The following TBC1D31 variants were observed in gnomAD, a reference collection of about 807,000 sequenced individuals.
TBC1D31 encodes the protein TBC1 domain family member 31, also known as WD repeat domain 67.
In TBC1D31, 99 loss-of-function variants were observed where a neutral mutation model predicts 132.9. The observed-to-expected ratio is 0.74, with a 90% CI of 0.63 to 0.88. The LOEUF is 0.88. TBC1D31 is among the 40% of genes least tolerant of loss of function. The pLI is 0.00. For missense variants in TBC1D31, 1,134 were observed against 1,256.6 expected, an observed-to-expected ratio of 0.90 and a Z score of 1.48; for synonymous variants, 385 against 419.4, an observed-to-expected ratio of 0.92 and a Z score of 1.00.
chr8:123,155,795 G>A (rs1303681985), downstream of TBC1D31, among the ~76,000 whole-genome samples: 2 of 152,140 alleles, frequency 1.3e-5, no homozygotes, highest in South Asian at 2.1e-4. This position sits in a 1 kb window ranked among gnomAD's most constrained non-coding sequence, Gnocchi z 4.1. Flanking sequence ...TGCATACTAG[G>A]GAAAAGAAAA....
At chr8:123,147,677 C>T (rs1310983927) in intron 20 of TBC1D31, among the ~76,000 whole-genome samples, 2 of 152,026 alleles carry the variant, frequency 1.3e-5, no homozygotes, top group Non-Finnish European at 2.9e-5. Context: ...TGCTGAATTT[C>T]ACCAATAGAG....
In TBC1D31 at chr8:123,105,288, C is replaced by T; in HGVS notation, c.1033C>T (p.Pro345Ser). 1 of 1,524,624 alleles carries T rather than the reference C, an allele frequency of 6.6e-7. No homozygotes were observed. The highest frequency in any genetic ancestry group is 1.3e-5 in the South Asian group (1 of 76,282). 94.4% of individuals were successfully genotyped at this position (1,524,624 alleles called of 1,614,324 possible). The change falls in exon 8 of 22, where the codon CCA becomes TCA. Residue 345 changes from proline (P) to serine (S), a missense_variant and splice_region_variant. Pro to Ser is a moderately conservative substitution (Grantham distance 74). Transcript: ENST00000287380. Reference sequence around the variant, plus strand: ...TATATATATTTATTTTTCCATTTAGCCACCTCCGCCTTTAGTGAAAGTTAT... The same window carrying T: ...TATATATATTTATTTTTCCATTTAGTCACCTCCGCCTTTAGTGAAAGTTAT... ...VQALTQEINK[P>S]PPPLVKVIED...
the TBC1D31 span, among the ~76,000 whole-genome samples, chr8:123,163,364 C>CATT: frequency 2.7e-5 from 3 of 110,078 alleles, no homozygotes; most frequent in Non-Finnish European, 5.0e-5. Context: ...TCACTTTAAC[C>CATT]TTTTTTTTTT....
intron 5 of TBC1D31, among the ~76,000 whole-genome samples, chr8:123,096,834 A>G (rs1389330122): frequency 6.6e-6 from 1 of 152,240 alleles, no homozygotes; most frequent in Non-Finnish European, 1.5e-5. Context: ...TTTGAGCAGG[A>G]AAAAAGTTTG....
chr8:123,085,567 T>G (rs1049108328), intron 4 of TBC1D31, among the ~76,000 whole-genome samples: 2 of 152,168 alleles, frequency 1.3e-5, no homozygotes, highest in African/African-American at 4.8e-5. Context: ...CCCAAGTAGC[T>G]GGGACTACAG....
intron 13 of TBC1D31, 156 bp from the exon 14 acceptor site, chr8:123,128,123 CTT>C (rs1820255096): frequency 4.5e-6 from 2 of 445,310 alleles, no homozygotes; most frequent in Non-Finnish European, 7.9e-6. Context: ...AATAAATTGT[CTT>C]TGTTGTAAAA....
chr8:123,127,157 G>A (rs1367365699), intron 13 of TBC1D31, among the ~76,000 whole-genome samples: 1 of 150,852 alleles, frequency 6.6e-6, no homozygotes, highest in Non-Finnish European at 1.5e-5. Flanking sequence ...CCCTACCTGT[G>A]TACAGTTTAT....
chr8:123,079,626 C>G (rs917640807), intron 2 of TBC1D31, among the ~76,000 whole-genome samples: 1 of 152,178 alleles, frequency 6.6e-6, no homozygotes, highest in Non-Finnish European at 1.5e-5. Flanking sequence ...ATCGAGGACT[C>G]TTTGCACTTC....
intron 16 of TBC1D31, among the ~76,000 whole-genome samples, chr8:123,131,658 A>G (rs1030304475): frequency 1.3e-5 from 2 of 152,222 alleles, no homozygotes; most frequent in African/African-American, 4.8e-5. Context: ...TGCAAATTAC[A>G]AAACCATGCT....
intron 20 of TBC1D31, among the ~76,000 whole-genome samples, chr8:123,146,669 G>C (rs1822241778): frequency 6.6e-6 from 1 of 151,766 alleles, no homozygotes; most frequent in African/African-American, 2.4e-5. Flanking sequence ...TATAGGTTAG[G>C]TCATTTAATT....
At chr8:123,077,365 T>C in intron 2 of TBC1D31, 108 bp downstream of exon 2, 1 of 1,187,258 alleles carries the variant, frequency 8.4e-7, no homozygotes. Context: ...TAAGTTCTAT[T>C]ATATTTCAGG....
At chr8:123,090,624 T>C (rs183362261) in intron 4 of TBC1D31, among the ~76,000 whole-genome samples, 26 of 152,266 alleles carry the variant, frequency 1.7e-4, no homozygotes, top group Admixed American at 1.3e-4. Flanking sequence ...AATATTAGTA[T>C]CCTAAACTCT....
chr8:123,130,723 G>C (rs1246912663), intron 16 of TBC1D31, among the ~76,000 whole-genome samples: 2 of 151,082 alleles, frequency 1.3e-5, no homozygotes, highest in African/African-American at 4.9e-5. Flanking sequence ...CCGGGTTCAA[G>C]TGATTCTCCT....
At chr8:123,096,727 A>G (rs187940668) in intron 5 of TBC1D31, among the ~76,000 whole-genome samples, 1 of 152,360 alleles carries the variant, frequency 6.6e-6, no homozygotes, top group East Asian at 1.9e-4. Flanking sequence ...CTTTTTAAAA[A>G]TTAGTAAGTC....
intron 4 of TBC1D31, among the ~76,000 whole-genome samples, chr8:123,085,309 C>T (rs1815616949): frequency 6.6e-6 from 1 of 152,194 alleles, no homozygotes; most frequent in Admixed American, 6.6e-5. Flanking sequence ...TCCATCATCT[C>T]CCTCCCTGGG....
Position 123,077,163 on chromosome 8 carries a change from C to G in TBC1D31, c.130C>G (p.Arg44Gly). The part of the protein sequence containing the change: ...NTSDYHPKVL[R>G]FLNVAFDGTG... Reference sequence around the variant, plus strand: ...TTCCGATTACCATCCAAAAGTTTTGCGATTTTTGAATGTGGCTTTTGATGG... The same window carrying G: ...TTCCGATTACCATCCAAAAGTTTTGGGATTTTTGAATGTGGCTTTTGATGG... Residue 44 changes from arginine (R) to glycine (G), a missense_variant, in exon 2 of 22, where the codon CGA (arginine) becomes GGA (glycine). Transcript: ENST00000287380. The G allele has an allele frequency of 6.2e-7, 1 of 1,612,020 alleles. No individual in the cohort carries two copies. The highest frequency in any genetic ancestry group is 8.5e-7 in the Non-Finnish European group (1 of 1,179,170).
intron 8 of TBC1D31, among the ~76,000 whole-genome samples, chr8:123,108,307 G>A (rs115628393): frequency 0.013 from 1,964 of 152,174 alleles, 40 homozygotes; most frequent in African/African-American, 0.045. Flanking sequence ...GATAATATAT[G>A]CAAACAGCTT....
intron 16 of TBC1D31, among the ~76,000 whole-genome samples, chr8:123,132,614 A>G (rs1820739711): frequency 6.6e-6 from 1 of 151,844 alleles, no homozygotes; most frequent in African/African-American, 2.4e-5. Flanking sequence ...GGGTTTCACC[A>G]TGTTGGTCAG....
intron 11 of TBC1D31, among the ~76,000 whole-genome samples, chr8:123,122,392 C>A (rs73339615): frequency 6.6e-5 from 10 of 152,276 alleles, no homozygotes; most frequent in African/African-American, 2.4e-4. Context: ...AGCTACTACA[C>A]GGGTGAACCT....
Sources: allele counts gnomAD v4.1 joint callset (sites outside exome capture counted in the v4.1 genomes callset), GRCh38; gene constraint gnomAD v4.1.1; non-coding constraint Gnocchi (gnomAD v3.1); transcripts MANE v1.5; gene names NCBI Gene and HGNC (gene_info 2026-07-23, HGNC 2026-07-21).